EIF2AK2: variants seen among roughly 807,000 people sequenced by gnomAD.
EIF2AK2 encodes the protein eukaryotic translation initiation factor 2 alpha kinase 2.
EIF2AK2 carries 40 observed loss-of-function variants against 70.5 expected under a neutral mutation model. That is an observed-to-expected ratio of 0.57 (90% CI 0.44 to 0.74). The LOEUF (loss-of-function observed/expected upper bound fraction) is 0.74, where lower values mean the gene tolerates loss of function less well. Ranked by LOEUF, EIF2AK2 falls within the 30% of genes least tolerant of loss-of-function variation. The probability of loss-of-function intolerance (pLI) is 0.00; values close to 1 mark genes in which losing one functional copy is unlikely to be tolerated. For missense variants in EIF2AK2, 555 were observed against 644.3 expected, an observed-to-expected ratio of 0.86 and a Z score of 1.50; for synonymous variants, 198 against 220.9, an observed-to-expected ratio of 0.90 and a Z score of 0.92.
At chr2:37,133,692 G>A (rs1356677178) in intron 10 of EIF2AK2, among the ~76,000 whole-genome samples, 3 of 152,150 alleles carry the variant, frequency 2.0e-5, no homozygotes, top group South Asian at 4.1e-4. Context: ...CATGAATGCC[G>A]GAGGAAAAGG....
At chr2:37,124,070 C>T (rs1390701405) in intron 11 of EIF2AK2, among the ~76,000 whole-genome samples, 1 of 151,420 alleles carries the variant, frequency 6.6e-6, no homozygotes, top group Non-Finnish European at 1.5e-5. Context: ...AGGGCTCAAG[C>T]GATCCTCCTA....
At position 37,155,206 on chromosome 2, in the gene EIF2AK2, G is replaced by A. The variant is rs556939804; in HGVS notation, c.-184+1702C>T. On this transcript the variant is annotated intron_variant, in intron 1 of 16. Coordinates refer to ENST00000233057, the MANE Select transcript of EIF2AK2 (RefSeq NM_001135651.3). ...TTGACTCTATTCCTTCTGCTGTCTTGGCCTGGTCAATTTCTACTTCCTACA... is the reference window on the plus strand; with the variant it reads ...TTGACTCTATTCCTTCTGCTGTCTTAGCCTGGTCAATTTCTACTTCCTACA... Among the ~76,000 whole-genome samples the A allele has an allele frequency of 2.1e-4, 32 of 152,026 alleles. No individual in the cohort carries two copies. In the South Asian group the frequency reaches 6.4e-3, roughly 31 times the overall value.
rs139109643 is a variant in EIF2AK2 at position 37,152,602 on chromosome 2, C to T, written c.-183-3579G>A. Among the ~76,000 whole-genome samples, 423 of 152,304 alleles carry T rather than the reference C, an allele frequency of 2.8e-3. 2 individuals are homozygous for T. The highest frequency in any genetic ancestry group is 8.7e-3 in the African/African-American group (362 of 41,578). On this transcript the variant is annotated intron_variant, in intron 1 of 16. Transcript: ENST00000233057. ...GGCCGGGCCACTCTTTTTAACACAC[C>T]TTAATCTTTGTAGCTCTAAATGCTG... is the stretch of plus-strand genomic sequence containing the variant.
chr2:37,135,394 G>T, intron 10 of EIF2AK2, 90 bp downstream of exon 10: 2 of 1,029,442 alleles, frequency 1.9e-6, no homozygotes, highest in South Asian at 1.5e-5. Context: ...ATTTTTAACT[G>T]ACAGGATCAT....
rs181541242 is a variant in EIF2AK2 at position 37,131,070 on chromosome 2, G to T, written c.785+4414C>A. On this transcript the variant is annotated intron_variant, in intron 10 of 16. Transcript: ENST00000233057. ...TTATTTTCTTTCCTCAAATTAGTGG[G>T]ATATTTCTGATTATAGATAGCAAAT... Among the ~76,000 whole-genome samples the T allele has an allele frequency of 1.4e-4, 22 of 152,224 alleles. No homozygotes were observed. The East Asian group carries it at 2.9e-3, about 20-fold the overall frequency.
At chr2:37,121,583 A>T (rs1674553158) in intron 12 of EIF2AK2, among the ~76,000 whole-genome samples, 1 of 151,894 alleles carries the variant, frequency 6.6e-6, no homozygotes, top group Admixed American at 6.6e-5. Flanking sequence ...GAGAAGTGCC[A>T]ACAAATTACT....
At chr2:37,135,935 C>T (rs959036217) in intron 9 of EIF2AK2, among the ~76,000 whole-genome samples, 1 of 152,208 alleles carries the variant, frequency 6.6e-6, no homozygotes, top group African/African-American at 2.4e-5. Flanking sequence ...ACCCAGCCAA[C>T]TTTTTTCTTT....
At chr2:37,151,237 G>C (rs1256098180) in intron 1 of EIF2AK2, among the ~76,000 whole-genome samples, 1 of 152,022 alleles carries the variant, frequency 6.6e-6, no homozygotes, top group Non-Finnish European at 1.5e-5. Context: ...AATTCTTACA[G>C]CTCAACAACA....
At chr2:37,112,122 A>G (rs1395850691) in intron 14 of EIF2AK2, among the ~76,000 whole-genome samples, 2 of 151,736 alleles carry the variant, frequency 1.3e-5, no homozygotes, top group Non-Finnish European at 2.9e-5. Flanking sequence ...GCCACTGCTG[A>G]GCAGAACATG....
chr2:37,131,388 T>C (rs1165500178), intron 10 of EIF2AK2, among the ~76,000 whole-genome samples: 4 of 152,196 alleles, frequency 2.6e-5, no homozygotes, highest in Non-Finnish European at 5.9e-5. Context: ...TGCTTAAAAA[T>C]TTTGTCCACA....
At position 37,151,910 on chromosome 2, in the gene EIF2AK2, C is replaced by A. The variant is rs558524577; in HGVS notation, c.-183-2887G>T. On this transcript the variant is annotated intron_variant, in intron 1 of 16. Transcript: ENST00000233057. ...TGAAACCTCGTCTCCACTAAAAATA[C>A]AAAAAATTAGCCGGGCGCGGTGGCG... Among the ~76,000 whole-genome samples, 5 of 152,308 alleles carry A rather than the reference C, an allele frequency of 3.3e-5. No individual in the cohort carries two copies. In the East Asian group the frequency reaches 9.7e-4, roughly 29 times the overall value.
chr2:37,138,155 G>A, intron 8 of EIF2AK2, 115 bp downstream of exon 8: 6 of 637,548 alleles, frequency 9.4e-6, no homozygotes, highest in South Asian at 2.7e-5. Flanking sequence ...CATTTAGTAA[G>A]AGTGCATAAG....
At chr2:37,124,903 T>C (rs1487039420) in intron 11 of EIF2AK2, among the ~76,000 whole-genome samples, 2 of 152,052 alleles carry the variant, frequency 1.3e-5, no homozygotes, top group Admixed American at 1.3e-4. Context: ...ATTACTGTAT[T>C]TTTTGTAGAG....
intron 1 of EIF2AK2, 96 bp from the exon 2 acceptor site, chr2:37,149,119 G>T (rs999495146): frequency 5.6e-6 from 5 of 896,468 alleles, no homozygotes; most frequent in Non-Finnish European, 9.5e-6. Flanking sequence ...GATAGCCAGG[G>T]TCTCCTGATT....
rs34821155 is a variant in EIF2AK2 at position 37,107,491 on chromosome 2, T to C, written c.1516A>G (p.Ile506Val). ...GTGCTTACTTCTTTTTTATCAAATATATCTGAGATGATGCCATCCCGTAGG... is the reference window on the plus strand; with the variant it reads ...GTGCTTACTTCTTTTTTATCAAATACATCTGAGATGATGCCATCCCGTAGG... ...TDLRDGIISDIFDKKEKTLLQ... is the reference protein window; with the variant it reads ...TDLRDGIISDVFDKKEKTLLQ... The change falls in exon 16 of 17, where the codon ATA (isoleucine) becomes GTA (valine). Residue 506 changes from isoleucine (I) to valine (V), a missense_variant. Ile to Val is a conservative substitution (Grantham distance 29, BLOSUM62 3). Coordinates refer to ENST00000233057, the MANE Select transcript of EIF2AK2 (RefSeq NM_001135651.3). 5 of 1,612,856 alleles carry C rather than the reference T, an allele frequency of 3.1e-6. No homozygotes were observed. The highest frequency in any genetic ancestry group is 3.4e-6 in the Non-Finnish European group (4 of 1,179,756).
At chr2:37,152,270 C>T (rs1358377259) in intron 1 of EIF2AK2, among the ~76,000 whole-genome samples, 1 of 152,122 alleles carries the variant, frequency 6.6e-6, no homozygotes, top group East Asian at 1.9e-4. Context: ...CTTCTTTCTT[C>T]CAGGGCCACT....
chr2:37,147,868 T>C (rs1573040026), intron 2 of EIF2AK2, 46 bp from the exon 3 acceptor site: 4 of 1,373,110 alleles, frequency 2.9e-6, no homozygotes, highest in African/African-American at 1.4e-5. Context: ...ACAGAACATA[T>C]TTAATCTGAG....
At chr2:37,146,748 G>A in intron 4 of EIF2AK2, 105 bp downstream of exon 4, 1 of 1,375,800 alleles carries the variant, frequency 7.3e-7, no homozygotes, top group Non-Finnish European at 9.9e-7. Flanking sequence ...GAATGTAAGG[G>A]AACGTGTGAA....
chr2:37,156,883 C>G (rs983880806), intron 1 of EIF2AK2, 25 bp downstream of exon 1: 17 of 159,844 alleles, frequency 1.1e-4, no homozygotes, highest in Non-Finnish European at 1.9e-4. Flanking sequence ...CCCGCGCTCC[C>G]TCGGCTGCCC....
Sources: allele counts gnomAD v4.1 joint callset (sites outside exome capture counted in the v4.1 genomes callset), GRCh38; gene constraint gnomAD v4.1.1; transcripts MANE v1.5; gene names NCBI Gene and HGNC (gene_info 2026-07-23, HGNC 2026-07-21).